KCNU1: variants seen among roughly 807,000 people sequenced by gnomAD.
KCNU1 encodes the protein potassium calcium-activated channel subfamily U member 1, also known as potassium channel subfamily U member 1.
A neutral mutation model predicts 126.8 loss-of-function variants in KCNU1; 93 were observed. That is an observed-to-expected ratio of 0.73 (90% CI 0.62 to 0.87). The LOEUF is 0.87. Ranked by LOEUF, KCNU1 falls within the 40% of genes least tolerant of loss-of-function variation. KCNU1 has a pLI of 0.00. For synonymous variants in KCNU1, 523 were observed against 494.2 expected, an observed-to-expected ratio of 1.06 and a Z score of -0.77; for missense variants, 1,330 against 1,367.1, an observed-to-expected ratio of 0.97 and a Z score of 0.43.
At chr8:36,809,706 AG>A (rs1401986737) in intron 7 of KCNU1, among the ~76,000 whole-genome samples, 3 of 152,152 alleles carry the variant, frequency 2.0e-5, no homozygotes, top group Admixed American at 2.0e-4. Context: ...TGGGCCCACC[AG>A]GGGATAAGCA....
chr8:36,888,714 A>G (rs1387061212), intron 19 of KCNU1: 1 of 534,608 alleles, frequency 1.9e-6, no homozygotes, highest in South Asian at 1.4e-5. Context: ...CATCACTTGC[A>G]GGAAAGCATC....
At chr8:36,789,897 G>A (rs762692255) in intron 2 of KCNU1, among the ~76,000 whole-genome samples, 1 of 152,206 alleles carries the variant, frequency 6.6e-6, no homozygotes, top group African/African-American at 2.4e-5. Context: ...TCCTATGCTA[G>A]GGACATGGAG....
chr8:36,888,617 C>T (rs764659229), intron 19 of KCNU1: 1 of 534,294 alleles, frequency 1.9e-6, no homozygotes, highest in South Asian at 1.4e-5. Flanking sequence ...TGATGACTCA[C>T]TCATTGGCAG....
Position 36,909,321 on chromosome 8 carries a change from G to T in KCNU1, c.2117G>T (p.Gly706Val), listed in dbSNP as rs371063694. The change falls in exon 21 of 27, where the codon GGC becomes GTC. Residue 706 changes from glycine to valine, a missense_variant. Coordinates refer to ENST00000399881, the MANE Select transcript of KCNU1 (RefSeq NM_001031836.3). The part of the protein sequence containing the change: ...SLDKVTLKRT[G>V]KSKYKFRNHI... ...CATCCTTATCCTTAGAAACGAACTG[G>T]CAAGTCAAAGTATAAGTTTCGGAAC... 1.2e-5 allele frequency: 19 copies of T among 1,611,090 alleles called. No homozygotes were observed. The highest frequency in any genetic ancestry group is 1.6e-5 in the Non-Finnish European group (19 of 1,177,454).
At chr8:36,933,217 A>G (rs1808754663) in intron 26 of KCNU1, among the ~76,000 whole-genome samples, 185 bp downstream of exon 26, 1 of 152,130 alleles carries the variant, frequency 6.6e-6, no homozygotes, top group Non-Finnish European at 1.5e-5. Context: ...CTGAATAATT[A>G]GGGTCCTATT....
At chr8:36,873,979 A>G (rs1219095931) in intron 19 of KCNU1, among the ~76,000 whole-genome samples, 1 of 152,204 alleles carries the variant, frequency 6.6e-6, no homozygotes, top group Non-Finnish European at 1.5e-5. Context: ...TGCACATGAA[A>G]AGTCAATTAT....
At chr8:36,924,759 C>T (rs1308143523) in intron 24 of KCNU1, among the ~76,000 whole-genome samples, 1 of 152,104 alleles carries the variant, frequency 6.6e-6, no homozygotes, top group African/African-American at 2.4e-5. Flanking sequence ...TCTCGATGAA[C>T]TTGACCTGTC....
Position 36,784,490 on chromosome 8 carries a change from T to C in KCNU1, c.80T>C (p.Phe27Ser). The change falls in exon 1 of 27, where the codon TTC (phenylalanine) becomes TCC (serine). Residue 27 changes from phenylalanine to serine, a missense_variant. Phe to Ser is a radical substitution (Grantham distance 155). Around this residue, in one of 3 missense-constraint regions of KCNU1, gnomAD observed 247 missense variants for 255.4 expected, o/e 0.97. Transcript: ENST00000399881. ...TGCACAACTGAGATCCAAGCAGCAT[T>C]CATTCTCTCTTCCTTTGTGACCTTC... The part of the protein sequence containing the change: ...MSCTTEIQAA[F>S]ILSSFVTFFS... 1.2e-6 allele frequency: 2 copies of C among 1,613,930 alleles called. No individual in the cohort carries two copies. Among genetic ancestry groups the C allele is most frequent in the Non-Finnish European group, 1.7e-6 (2 of 1,179,806 alleles).
chr8:36,798,018 G>T (rs547051845), intron 2 of KCNU1, among the ~76,000 whole-genome samples: 1 of 152,188 alleles, frequency 6.6e-6, no homozygotes, highest in African/African-American at 2.4e-5. Flanking sequence ...GGAACCGTTT[G>T]TTGCTTCTGT....
At chr8:36,826,263 G>A (rs995555145) in intron 10 of KCNU1, among the ~76,000 whole-genome samples, 8 of 151,636 alleles carry the variant, frequency 5.3e-5, no homozygotes, top group Non-Finnish European at 1.0e-4. Flanking sequence ...AGGCTGGAGC[G>A]CAGTGGCCTG....
At chr8:36,915,278 C>A (rs1808055103) in intron 22 of KCNU1, among the ~76,000 whole-genome samples, 1 of 152,176 alleles carries the variant, frequency 6.6e-6, no homozygotes, top group Non-Finnish European at 1.5e-5. Flanking sequence ...TGTAATAGGG[C>A]TACAACTTAA....
chr8:36,790,999 A>G (rs1585375302), intron 2 of KCNU1, among the ~76,000 whole-genome samples: 2 of 77,068 alleles, frequency 2.6e-5, no homozygotes, highest in Admixed American at 1.6e-4. Flanking sequence ...AGGAAGATGG[A>G]AAAAAAAAAA....
intron 22 of KCNU1, among the ~76,000 whole-genome samples, chr8:36,915,200 A>AGAG (rs776162086): frequency 6.6e-6 from 1 of 152,228 alleles, no homozygotes; most frequent in East Asian, 1.9e-4. Flanking sequence ...TTACCCATAG[A>AGAG]GAGGTTTCCC....
rs141996622 is a variant in KCNU1, at chr8:36,873,721, G to A, written c.2009+9200G>A. On this transcript the variant is annotated intron_variant, in intron 19 of 26. Transcript: ENST00000399881. ...TGCTGGGCAGCTTTACAAGTTGGCA[G>A]CTCTCTTAAGCACATGCGCAACGAT... 1.8e-4 allele frequency among the ~76,000 whole-genome samples: 27 copies of A among 152,266 alleles called. No homozygotes were observed. In the East Asian group the frequency reaches 4.4e-3, roughly 25 times the overall value.
At chr8:36,818,027 T>C (rs544061753) in intron 10 of KCNU1, among the ~76,000 whole-genome samples, 2 of 152,358 alleles carry the variant, frequency 1.3e-5, no homozygotes, top group South Asian at 4.1e-4. Flanking sequence ...GTTATTATCA[T>C]ACATGACTAT....
intron 2 of KCNU1, among the ~76,000 whole-genome samples, chr8:36,796,203 T>A (rs925385277): frequency 6.6e-6 from 1 of 152,218 alleles, no homozygotes; most frequent in Non-Finnish European, 1.5e-5. Context: ...GGGTTTTCGA[T>A]TGGGGATAGA....
At chr8:36,857,629 T>G (rs189742883) in intron 18 of KCNU1, among the ~76,000 whole-genome samples, 13 of 130,222 alleles carry the variant, frequency 1.0e-4, no homozygotes, top group African/African-American at 3.1e-4. Flanking sequence ...TTGTTTGTTT[T>G]TTGTTTTTTT....
Position 36,833,470 on chromosome 8 carries a change from T to C in KCNU1, c.1107-84T>C, listed in dbSNP as rs1585431405. ...TATCACTATGAGGGATTCTACTAAA[T>C]GCACCAAATTAGTTATAAAAACCTC... On this transcript the variant is annotated intron_variant, in intron 10 of 26. Coordinates refer to ENST00000399881, the MANE Select transcript of KCNU1 (RefSeq NM_001031836.3). The C allele has an allele frequency of 8.0e-6, 6 of 749,222 alleles. No individual in the cohort carries two copies. In the East Asian group the frequency reaches 1.6e-4, roughly 19 times the overall value. The allele number at this position is 749,222 out of a possible 1,614,324, so 46.4% of individuals were successfully genotyped here. A position where few individuals can be genotyped will look rare whatever the true frequency, so the allele number is the denominator to read the frequency against.
chr8:36,908,530 C>T (rs1197487086), intron 20 of KCNU1, among the ~76,000 whole-genome samples: 2 of 112,514 alleles, frequency 1.8e-5, no homozygotes, highest in East Asian at 3.2e-4. Flanking sequence ...CCTCCCCCCA[C>T]CCCACGACAT....
Sources: allele counts gnomAD v4.1 joint callset (sites outside exome capture counted in the v4.1 genomes callset), GRCh38; gene constraint gnomAD v4.1.1; regional missense constraint gnomAD v4.1.1; transcripts MANE v1.5; gene names NCBI Gene and HGNC (gene_info 2026-07-23, HGNC 2026-07-21).